Variants in EFEMP1 observed in about 807,000 individuals in gnomAD.
EFEMP1 encodes EGF-like fibulin extracellular matrix protein 1.
A neutral mutation model predicts 65.7 loss-of-function variants in EFEMP1; 18 were observed. The ratio of observed to expected loss-of-function variants is 0.27; its 90% CI spans 0.19 to 0.41. The LOEUF (loss-of-function observed/expected upper bound fraction) is 0.41. Among genes scored for constraint, EFEMP1 ranks in the 10% least tolerant of loss-of-function variants. The pLI is 1.00. For missense variants in EFEMP1, 469 were observed against 624.8 expected, an observed-to-expected ratio of 0.75 and a Z score of 2.66; for synonymous variants, 237 against 219.7, an observed-to-expected ratio of 1.08 and a Z score of -0.70.
chr2:55,911,550 A>G (rs1670483477), intron 5 of EFEMP1, among the ~76,000 whole-genome samples: 1 of 152,076 alleles, frequency 6.6e-6, no homozygotes, highest in Non-Finnish European at 1.5e-5. Flanking sequence ...TATATAATAT[A>G]TTGTTAAAAC....
intron 5 of EFEMP1, among the ~76,000 whole-genome samples, chr2:55,895,163 G>A (rs1669770826): frequency 6.6e-6 from 1 of 152,218 alleles, no homozygotes; most frequent in Admixed American, 6.5e-5. Flanking sequence ...CACCTTTCTA[G>A]TGATGCTGGG....
At chr2:55,907,017 C>T (rs1670307065) in intron 5 of EFEMP1, among the ~76,000 whole-genome samples, 1 of 152,170 alleles carries the variant, frequency 6.6e-6, no homozygotes, top group Admixed American at 6.5e-5. Context: ...CTATTTAATC[C>T]ATCTAACACA....
chr2:55,874,244 G>A (rs1027588110), intron 9 of EFEMP1, among the ~76,000 whole-genome samples: 8 of 150,900 alleles, frequency 5.3e-5, no homozygotes, highest in Admixed American at 3.3e-4. Context: ...GATTTTCTAC[G>A]TTTTTGGTTT....
intron 5 of EFEMP1, among the ~76,000 whole-genome samples, chr2:55,895,575 G>GCT (rs1341366155): frequency 5.6e-5 from 8 of 143,566 alleles, no homozygotes; most frequent in East Asian, 4.0e-4. Context: ...ACGGAGTCTC[G>GCT]CTGTCGCCCA....
intron 5 of EFEMP1, among the ~76,000 whole-genome samples, chr2:55,909,089 CTT>C: frequency 6.6e-6 from 1 of 152,254 alleles, no homozygotes; most frequent in East Asian, 1.9e-4. Flanking sequence ...AGGACAGTCT[CTT>C]TTAATAATTA....
chr2:55,889,092 C>A (rs1228766411), intron 5 of EFEMP1, among the ~76,000 whole-genome samples: 1 of 152,182 alleles, frequency 6.6e-6, no homozygotes, highest in Non-Finnish European at 1.5e-5. Flanking sequence ...GGCCTTGCAG[C>A]CAGATTAGTC....
intron 6 of EFEMP1, among the ~76,000 whole-genome samples, chr2:55,878,829 T>C (rs996158177): frequency 4.6e-5 from 7 of 152,222 alleles, no homozygotes; most frequent in African/African-American, 1.4e-4. Flanking sequence ...CTTCTGTGAG[T>C]AGAATTATTG....
intron 5 of EFEMP1, among the ~76,000 whole-genome samples, chr2:55,916,744 C>A (rs1240381312): frequency 2.0e-5 from 3 of 152,166 alleles, no homozygotes; most frequent in Non-Finnish European, 4.4e-5. Flanking sequence ...CTCCTATGGC[C>A]CCATTTCAGT....
In EFEMP1 at chr2:55,885,310, G is replaced by T. The variant is rs1669385499; in HGVS notation, c.518-3576C>A. ...GAAGAATGGCAGACAGATGGCGTCA[G>T]CACAGCTGCCGGGGCTCTGTGTGAG... is the stretch of plus-strand genomic sequence containing the variant. On this transcript the variant is annotated intron_variant, in intron 5 of 11. Coordinates refer to ENST00000355426, the MANE Select transcript of EFEMP1 (RefSeq NM_001039348.3). This position sits in a 1 kb window ranked among gnomAD's most constrained non-coding sequence, Gnocchi z 4.3. 6.6e-6 allele frequency among the ~76,000 whole-genome samples: 1 copy of T among 152,198 alleles called. No individual in the cohort carries two copies. Among genetic ancestry groups the T allele is most frequent in the South Asian group, 2.1e-4 (1 of 4,826 alleles).
chr2:55,900,023 T>A (rs1361034314), intron 5 of EFEMP1, among the ~76,000 whole-genome samples: 1 of 152,202 alleles, frequency 6.6e-6, no homozygotes, highest in Non-Finnish European at 1.5e-5. Flanking sequence ...TCCAGATGGA[T>A]TCAGTCATAG....
At chr2:55,896,359 C>T (rs1367478895) in intron 5 of EFEMP1, among the ~76,000 whole-genome samples, 1 of 152,214 alleles carries the variant, frequency 6.6e-6, no homozygotes, top group Non-Finnish European at 1.5e-5. Context: ...TAAGTGGTAG[C>T]ACAGACTCTA....
intron 5 of EFEMP1, among the ~76,000 whole-genome samples, chr2:55,916,412 T>C (rs1670690270): frequency 6.6e-6 from 1 of 152,182 alleles, no homozygotes; most frequent in African/African-American, 2.4e-5. Context: ...GCCCAGCCCC[T>C]TGCTTCATTT....
At chr2:55,898,447 T>C (rs1669912846) in intron 5 of EFEMP1, among the ~76,000 whole-genome samples, 1 of 152,154 alleles carries the variant, frequency 6.6e-6, no homozygotes, top group African/African-American at 2.4e-5. Flanking sequence ...TAGCACACTC[T>C]CTTTTTATGC....
At position 55,896,061 on chromosome 2, in the gene EFEMP1, G is replaced by C. The variant is rs950815951; in HGVS notation, c.518-14327C>G. Among the ~76,000 whole-genome samples the C allele has an allele frequency of 3.9e-5, 6 of 152,258 alleles. No individual in the cohort carries two copies. In the South Asian group the frequency reaches 6.2e-4, roughly 16 times the overall value. On this transcript the variant is annotated intron_variant, in intron 5 of 11. Coordinates refer to ENST00000355426, the MANE Select transcript of EFEMP1 (RefSeq NM_001039348.3). Reference sequence around the variant, plus strand: ...CTAACAGCTGGATAACCCCAGGCACGTATCAGTGGCCTATATAATTTTATA... The same window carrying C: ...CTAACAGCTGGATAACCCCAGGCACCTATCAGTGGCCTATATAATTTTATA...
In EFEMP1 at chr2:55,918,355, A is replaced by T; in HGVS notation, c.82-88T>A. ...AAATCACTCTAAAAGCTTCATTCTT[A>T]TGGCAACAATCCTTGTGCTAAAGTC... On this transcript the variant is annotated intron_variant, in intron 3 of 11. Transcript: ENST00000355426. 5 of 1,442,104 alleles carry T rather than the reference A, an allele frequency of 3.5e-6. No homozygotes were observed. The South Asian group carries it at 5.7e-5, about 16-fold the overall frequency. The allele number at this position is 1,442,104 out of a possible 1,614,324, so 89.3% of individuals were successfully genotyped here.
At chr2:55,876,581 A>G (rs757015772) in intron 8 of EFEMP1, 42 bp downstream of exon 8, 1 of 1,604,998 alleles carries the variant, frequency 6.2e-7, no homozygotes, top group East Asian at 2.3e-5. Context: ...CAGCAGTCAC[A>G]GGAATTGGAC....
At position 55,921,776 on chromosome 2, in the gene EFEMP1, C is replaced by T. The variant is rs1470930393; in HGVS notation, c.81+584G>A. ...ATGCAAAACGGAGTTGCACACATTA[C>T]GTTTTAAAACCACTTTAGCCAATAT... On this transcript the variant is annotated intron_variant, in intron 3 of 11. Coordinates refer to ENST00000355426, the MANE Select transcript of EFEMP1 (RefSeq NM_001039348.3). The surrounding 1 kb of genome is among the most constrained non-coding windows in gnomAD (Gnocchi z 4.1). Among the ~76,000 whole-genome samples the T allele has an allele frequency of 1.3e-5, 2 of 152,178 alleles. No individual in the cohort carries two copies. The highest frequency in any genetic ancestry group is 2.1e-4 in the South Asian group (1 of 4,834).
At position 55,870,948 on chromosome 2, in the gene EFEMP1, G is replaced by GGCTT; in HGVS notation, c.1125-37_1125-34dup. 1 of 1,613,692 alleles carries GGCTT rather than the reference G, an allele frequency of 6.2e-7. No homozygotes were observed. Among genetic ancestry groups the GGCTT allele is most frequent in the Non-Finnish European group, 8.5e-7 (1 of 1,179,774 alleles). ...GACAAACAAAAGTATTCAGCAGTTT[G>GGCTT]GCTTGGTAAGACCAGAAAATCCTCA... On this transcript the variant is annotated intron_variant, in intron 10 of 11. Coordinates refer to ENST00000355426, the MANE Select transcript of EFEMP1 (RefSeq NM_001039348.3). The surrounding 1 kb of genome is among the most constrained non-coding windows in gnomAD (Gnocchi z 5.8).
Position 55,870,864 on chromosome 2 carries a change from T to C in EFEMP1, c.1176A>G (p.Ser392=). Residue 392 remains serine (S), a synonymous_variant, in exon 11 of 12, where the codon TCA becomes TCG. Coordinates refer to ENST00000355426, the MANE Select transcript of EFEMP1 (RefSeq NM_001039348.3). This position sits in a 1 kb window ranked among gnomAD's most constrained non-coding sequence, Gnocchi z 5.8. ...SNAMCRELPQ[S]IVYKYMSIRS... is the part of the protein sequence containing the mutation. ...GGATGCTCATGTATTTGTAGACTATTGACTGGGGCAGTTCTCGGCACATGG... is the reference window on the plus strand; with the variant it reads ...GGATGCTCATGTATTTGTAGACTATCGACTGGGGCAGTTCTCGGCACATGG... 6.2e-7 allele frequency: 1 copy of C among 1,613,824 alleles called. No homozygotes were observed. The highest frequency in any genetic ancestry group is 8.5e-7 in the Non-Finnish European group (1 of 1,179,850).
Sources: gnomAD v4.1 joint callset for allele counts (sites outside exome capture counted in the v4.1 genomes callset) on GRCh38, gnomAD v4.1.1 for gene constraint, Gnocchi (gnomAD v3.1) non-coding constraint, MANE v1.5 for transcripts, NCBI Gene and HGNC (gene_info 2026-07-23, HGNC 2026-07-21) for gene names.